The following SEPTIN10 variants were observed in gnomAD, a reference collection of about 807,000 sequenced individuals.
SEPTIN10 encodes septin 10.
A neutral mutation model predicts 54.8 loss-of-function variants in SEPTIN10; 66 were observed. The ratio of observed to expected loss-of-function variants is 1.21; its 90% CI spans 0.99 to 1.48. SEPTIN10 has a LOEUF of 1.48. Ranked by LOEUF, SEPTIN10 falls within the 40% of genes most tolerant of loss-of-function variation. SEPTIN10 has a pLI of 0.00. For missense variants in SEPTIN10, 620 were observed against 545.6 expected (o/e 1.14, Z -1.36); for synonymous variants, 161 against 181.0 (o/e 0.89, Z 0.89).
At chr2:109,577,598 TAAA>T (rs566368167) in intron 4 of SEPTIN10, among the ~76,000 whole-genome samples, 1 of 133,272 alleles carries the variant, frequency 7.5e-6, no homozygotes, top group Non-Finnish European at 1.6e-5. Context: ...CCTCAAAATT[TAAA>T]AAAAAAAAAA....
At chr2:109,547,300 C>A (rs1481351872) in intron 9 of SEPTIN10, among the ~76,000 whole-genome samples, 1 of 151,328 alleles carries the variant, frequency 6.6e-6, no homozygotes, top group Admixed American at 6.6e-5. Context: ...AGAATGCAGT[C>A]GCCTCTTTGA....
intron 1 of SEPTIN10, among the ~76,000 whole-genome samples, chr2:109,599,705 G>A (rs1408579838): frequency 1.3e-5 from 2 of 152,260 alleles, no homozygotes; most frequent in African/African-American, 4.8e-5. Context: ...AGATCATCAA[G>A]ATGGGGAAAT....
intron 1 of SEPTIN10, 139 bp downstream of exon 1, chr2:109,613,659 G>C (rs1573933723): frequency 1.8e-6 from 1 of 544,930 alleles, no homozygotes; most frequent in African/African-American, 2.0e-5. Context: ...GCGGAAGCCG[G>C]GGAGCACTGG....
chr2:109,544,930 A>C (rs191081387), intron 10 of SEPTIN10: 548 of 982,266 alleles, frequency 5.6e-4, no homozygotes, highest in South Asian at 2.3e-3. Flanking sequence ...CTTTTCCAAA[A>C]AAACAAACAA....
At chr2:109,547,711 A>G (rs914991157) in intron 9 of SEPTIN10, among the ~76,000 whole-genome samples, 1 of 152,224 alleles carries the variant, frequency 6.6e-6, no homozygotes, top group Non-Finnish European at 1.5e-5. Flanking sequence ...AAAACTCTGG[A>G]AACTTACAAA....
intron 4 of SEPTIN10, among the ~76,000 whole-genome samples, chr2:109,581,635 A>T (rs981395054): frequency 1.3e-5 from 2 of 152,152 alleles, no homozygotes; most frequent in Admixed American, 1.3e-4. Context: ...ACCATTTGGT[A>T]TTTTCACAGA....
intron 1 of SEPTIN10, among the ~76,000 whole-genome samples, chr2:109,593,394 TAGAG>T (rs971218577): frequency 2.7e-5 from 4 of 147,828 alleles, no homozygotes; most frequent in Non-Finnish European, 4.4e-5. Flanking sequence ...CATTTACAAG[TAGAG>T]AGAGAAAGAA....
chr2:109,556,141 G>GA (rs1489513535), intron 8 of SEPTIN10, among the ~76,000 whole-genome samples: 1 of 152,172 alleles, frequency 6.6e-6, no homozygotes, highest in Non-Finnish European at 1.5e-5. Context: ...AACCAGCAGA[G>GA]AAAGGACTAT....
intron 1 of SEPTIN10, among the ~76,000 whole-genome samples, chr2:109,601,560 T>C (rs1696598444): frequency 6.6e-6 from 1 of 152,220 alleles, no homozygotes; most frequent in Non-Finnish European, 1.5e-5. Context: ...GTTTTCCCAC[T>C]TGCCTATCAG....
At chr2:109,564,315 C>G (rs761848832) in intron 8 of SEPTIN10, 51 bp downstream of exon 8, 2 of 1,427,500 alleles carry the variant, frequency 1.4e-6, no homozygotes, top group Non-Finnish European at 1.9e-6. Flanking sequence ...TAAAAATATG[C>G]AATCCTCTCT....
chr2:109,579,555 T>C (rs1215590318), intron 4 of SEPTIN10, among the ~76,000 whole-genome samples: 1 of 151,900 alleles, frequency 6.6e-6, no homozygotes, highest in African/African-American at 2.4e-5. Context: ...GGCTAATTTT[T>C]GTATTTTGGT....
Position 109,543,491 on chromosome 2 carries a change from G to A in SEPTIN10, c.*818C>T, listed in dbSNP as rs1680442735. The A allele has an allele frequency of 2.0e-5, 3 of 152,032 alleles. No individual in the cohort carries two copies. The South Asian group carries it at 6.2e-4, about 32-fold the overall frequency. The allele number at this position is 152,032 out of a possible 1,614,324, so 9.4% of individuals were successfully genotyped here. ...AAGCTTAAGATCATATCACCAATTG[G>A]GTAATTGTATAAAAAATTTTTAAGT... On this transcript the variant is annotated 3_prime_UTR_variant, in exon 11 of 11. Coordinates refer to ENST00000397712, the MANE Select transcript of SEPTIN10 (RefSeq NM_144710.5).
chr2:109,582,184 A>T (rs542342202), intron 4 of SEPTIN10, among the ~76,000 whole-genome samples: 1 of 152,270 alleles, frequency 6.6e-6, no homozygotes, highest in African/African-American at 2.4e-5. Context: ...GAGAACTACA[A>T]AACACTGCTG....
rs561481985 is a variant in SEPTIN10, at chr2:109,549,348, A to T, written c.1162-3111T>A. Among the ~76,000 whole-genome samples, 3 of 152,356 alleles carry T rather than the reference A, an allele frequency of 2.0e-5. No homozygotes were observed. The East Asian group carries it at 5.8e-4, about 29-fold the overall frequency. ...AAAATATCTTGAAAGGTCACACAGC[A>T]CTTTATACATCATTCATGAGGTTGA... On this transcript the variant is annotated intron_variant, in intron 9 of 10. Coordinates refer to ENST00000397712, the MANE Select transcript of SEPTIN10 (RefSeq NM_144710.5).
chr2:109,549,180 C>T (rs2104656210), intron 9 of SEPTIN10, among the ~76,000 whole-genome samples: 1 of 152,316 alleles, frequency 6.6e-6, no homozygotes, highest in African/African-American at 2.4e-5. Context: ...CAGTTCTCTG[C>T]ACACGTGTGC....
At chr2:109,545,633 TTATGTC>T (rs1680999072) in intron 10 of SEPTIN10, 3 of 1,516,976 alleles carry the variant, frequency 2.0e-6, no homozygotes. Context: ...AAATACTATC[TTATGTC>T]TATAATTCCC....
chr2:109,564,206 A>C (rs949713291), intron 8 of SEPTIN10, 160 bp downstream of exon 8: 2 of 575,792 alleles, frequency 3.5e-6, no homozygotes, highest in Non-Finnish European at 5.3e-6. Flanking sequence ...AGAAGGAGTC[A>C]AGTGATTCAA....
intron 2 of SEPTIN10, among the ~76,000 whole-genome samples, chr2:109,591,392 G>C (rs1694038328): frequency 6.6e-6 from 1 of 152,100 alleles, no homozygotes; most frequent in South Asian, 2.1e-4. Flanking sequence ...AGAGGGGCCA[G>C]GGAAAAAGAA....
At chr2:109,607,149 CTTAT>C (rs1037349958) in intron 1 of SEPTIN10, among the ~76,000 whole-genome samples, 13 of 152,244 alleles carry the variant, frequency 8.5e-5, no homozygotes, top group South Asian at 6.2e-4. Flanking sequence ...TTTCATTCTA[CTTAT>C]TTAAAGGTAG....
Sources: allele counts gnomAD v4.1 joint callset (sites outside exome capture counted in the v4.1 genomes callset), GRCh38; gene constraint gnomAD v4.1.1; transcripts MANE v1.5; gene names NCBI Gene and HGNC (gene_info 2026-07-23, HGNC 2026-07-21).